Variants in SEC24B observed in about 807,000 individuals in gnomAD.
SEC24B encodes protein transport protein Sec24B.
A neutral mutation model predicts 142.8 loss-of-function variants in SEC24B; 45 were observed. That is an observed-to-expected ratio of 0.32 (90% CI 0.25 to 0.40). SEC24B has a LOEUF of 0.40. SEC24B is among the 10% of genes least tolerant of loss of function. The pLI, the probability that SEC24B is intolerant of heterozygous loss-of-function variation, is 1.00. For missense variants in SEC24B, 1,409 were observed against 1,526.8 expected, an observed-to-expected ratio of 0.92 and a Z score of 1.29; for synonymous variants, 574 against 568.2, an observed-to-expected ratio of 1.01 and a Z score of -0.15.
intron 7 of SEC24B, among the ~76,000 whole-genome samples, chr4:109,507,720 A>G (rs1578931861): frequency 1.3e-5 from 2 of 152,020 alleles, no homozygotes; most frequent in South Asian, 2.1e-4. Flanking sequence ...ATCTCGGCTC[A>G]CCGCAATCTC....
rs201647053 is a variant in SEC24B, at chr4:109,463,532, A to G, written c.765A>G (p.Ser255=). The G allele has an allele frequency of 1.5e-5, 24 of 1,614,214 alleles. No individual in the cohort carries two copies. The East Asian group carries it at 2.5e-4, about 16-fold the overall frequency. The part of the protein sequence containing the change: ...SQQHHQQQSL[S]GYSTLTWSSP... The stretch of plus-strand genomic sequence containing the variant: ...AGCACCACCAGCAGCAAAGTCTTTC[A>G]GGATACAGTACTCTAACGTGGTCAT... Residue 255 remains serine (S), a synonymous_variant, in exon 2 of 24, where the codon TCA becomes TCG. Coordinates refer to ENST00000265175, the MANE Select transcript of SEC24B (RefSeq NM_006323.5).
At chr4:109,496,075 A>G (rs1286779536) in intron 6 of SEC24B, among the ~76,000 whole-genome samples, 1 of 152,128 alleles carries the variant, frequency 6.6e-6, no homozygotes, top group Admixed American at 6.5e-5. Context: ...TATTACATTC[A>G]CATCTATATT....
At chr4:109,477,819 AT>A (rs1399029944) in intron 3 of SEC24B, among the ~76,000 whole-genome samples, 4 of 152,172 alleles carry the variant, frequency 2.6e-5, no homozygotes, top group Non-Finnish European at 5.9e-5. Context: ...AGTGTTAAAT[AT>A]TTTATAAAAT....
At chr4:109,535,495 G>T (rs966749806) in intron 22 of SEC24B, among the ~76,000 whole-genome samples, 2 of 151,868 alleles carry the variant, frequency 1.3e-5, no homozygotes, top group African/African-American at 4.8e-5. Flanking sequence ...GGTGGAGCTT[G>T]CAGTGAGCCA....
chr4:109,529,340 T>A (rs1413971601), intron 18 of SEC24B, among the ~76,000 whole-genome samples: 2 of 152,152 alleles, frequency 1.3e-5, no homozygotes, highest in Admixed American at 6.5e-5. Context: ...GGATTCAGAT[T>A]TTTTAAGTAT....
chr4:109,524,469 G>T (rs1057404744), intron 14 of SEC24B, among the ~76,000 whole-genome samples: 1 of 152,116 alleles, frequency 6.6e-6, no homozygotes, highest in Non-Finnish European at 1.5e-5. Flanking sequence ...TCTGCAGCCA[G>T]ATTTCTTGGG....
At chr4:109,477,424 C>T (rs550910817) in intron 3 of SEC24B, among the ~76,000 whole-genome samples, 26 of 151,934 alleles carry the variant, frequency 1.7e-4, no homozygotes, top group Non-Finnish European at 3.2e-4. Context: ...GGGGCTCAAG[C>T]GATATTCCCA....
chr4:109,477,140 TAAA>T (rs759331468), intron 3 of SEC24B, among the ~76,000 whole-genome samples: 1,851 of 55,898 alleles, frequency 0.033, 12 homozygotes, highest in African/African-American at 0.06. Context: ...CCGTCTCAAA[TAAA>T]AAAAAAAAAA....
Position 109,463,365 on chromosome 4 carries a change from T to C in SEC24B, c.598T>C (p.Ser200Pro), listed in dbSNP as rs775988787. ...NAAYPSVSYP[S>P]LPAGDTYGQM... ...CGCGTATCCTAGTGTTTCATATCCCTCTCTGCCTGCTGGTGATACATATGG... is the reference window on the plus strand; with the variant it reads ...CGCGTATCCTAGTGTTTCATATCCCCCTCTGCCTGCTGGTGATACATATGG... The change falls in exon 2 of 24, where the codon TCT (serine) becomes CCT (proline). Residue 200 changes from serine to proline, a missense_variant. Coordinates refer to ENST00000265175, the MANE Select transcript of SEC24B (RefSeq NM_006323.5). 6.2e-7 allele frequency: 1 copy of C among 1,614,190 alleles called. No homozygotes were observed. The highest frequency in any genetic ancestry group is 1.7e-5 in the Admixed American group (1 of 60,024).
At chr4:109,483,521 G>C (rs1453689528) in intron 4 of SEC24B, among the ~76,000 whole-genome samples, 1 of 151,618 alleles carries the variant, frequency 6.6e-6, no homozygotes, top group Admixed American at 6.6e-5. Flanking sequence ...TAAGATTTTG[G>C]ATTTTCACAT....
chr4:109,472,468 A>G (rs1732625736), intron 2 of SEC24B, among the ~76,000 whole-genome samples: 1 of 152,220 alleles, frequency 6.6e-6, no homozygotes, highest in South Asian at 2.1e-4. Context: ...TACATGTGAA[A>G]TAAGGCATCT....
chr4:109,508,402 C>CA (rs1265837785), intron 7 of SEC24B, among the ~76,000 whole-genome samples: 1 of 151,390 alleles, frequency 6.6e-6, no homozygotes, highest in Non-Finnish European at 1.5e-5. Context: ...CCTTCTCCTC[C>CA]AAAAAAACAA....
At chr4:109,480,425 A>AT (rs892945334) in intron 3 of SEC24B, among the ~76,000 whole-genome samples, 4 of 151,690 alleles carry the variant, frequency 2.6e-5, no homozygotes, top group Non-Finnish European at 4.4e-5. Context: ...GAGCCATGAG[A>AT]TTTTCCATAC....
intron 6 of SEC24B, among the ~76,000 whole-genome samples, chr4:109,499,730 G>A (rs1185698173): frequency 2.0e-5 from 3 of 152,090 alleles, no homozygotes; most frequent in Admixed American, 6.5e-5. Context: ...CCTGCACTTC[G>A]AGTCATATAA....
chr4:109,494,761 A>G lies in SEC24B; in HGVS notation c.1393A>G (p.Thr465Ala), dbSNP rs375423089. 5.1e-5 allele frequency: 83 copies of G among 1,614,050 alleles called. No individual in the cohort carries two copies. The highest frequency in any genetic ancestry group is 1.6e-4 in the Middle Eastern group (1 of 6,084). ...TAAGCCTTTTGGCTATGGCTATCCA[A>G]CACTTCAGCCTGGTTATCAGAATGC... ...MAKPFGYGYP[T>A]LQPGYQNATA... Residue 465 changes from threonine (T) to alanine (A), a missense_variant, in exon 6 of 24, where the codon ACA becomes GCA. By Grantham distance (58) the Thr-to-Ala change is moderately conservative. Coordinates refer to ENST00000265175, the MANE Select transcript of SEC24B (RefSeq NM_006323.5).
intron 1 of SEC24B, among the ~76,000 whole-genome samples, chr4:109,441,051 T>G (rs1728884764): frequency 6.6e-6 from 1 of 152,146 alleles, no homozygotes; most frequent in Admixed American, 6.5e-5. Context: ...TTTAATGGGT[T>G]TTAAGTTTTC....
chr4:109,488,482 A>G (rs982455759), intron 4 of SEC24B, among the ~76,000 whole-genome samples: 2 of 152,150 alleles, frequency 1.3e-5, no homozygotes, highest in African/African-American at 2.4e-5. Context: ...TCCATATGTG[A>G]ATGTATCACA....
intron 15 of SEC24B, 66 bp downstream of exon 15, chr4:109,525,007 C>A: frequency 1.4e-6 from 2 of 1,404,842 alleles, no homozygotes; most frequent in Non-Finnish European, 2.0e-6. Context: ...TAAATCTAAA[C>A]TCTTCAGTAA....
intron 4 of SEC24B, among the ~76,000 whole-genome samples, chr4:109,482,725 G>A (rs541199387): frequency 1.3e-5 from 2 of 148,314 alleles, no homozygotes; most frequent in African/African-American, 2.5e-5. Flanking sequence ...GCCAACCTTC[G>A]CCTCCCAGGC....
Sources: gnomAD v4.1 joint callset for allele counts (sites outside exome capture counted in the v4.1 genomes callset) on GRCh38, gnomAD v4.1.1 for gene constraint, MANE v1.5 for transcripts, NCBI Gene and HGNC (gene_info 2026-07-23, HGNC 2026-07-21) for gene names.